The following SEMA6D variants were observed in gnomAD, a reference collection of about 807,000 sequenced individuals.
SEMA6D encodes the protein semaphorin-6D.
Under a neutral mutation model 106.6 loss-of-function variants are expected in SEMA6D, and 35 were observed. That is an observed-to-expected ratio of 0.33 (90% CI 0.25 to 0.44). The LOEUF (loss-of-function observed/expected upper bound fraction) is 0.44. SEMA6D is among the 20% of genes least tolerant of loss of function. The pLI is 1.00. For synonymous variants in SEMA6D, 499 were observed against 487.7 expected (o/e 1.02, Z -0.31); for missense variants, 1,185 against 1,345.9 (o/e 0.88, Z 1.87).
chr15:47,689,527 A>G (rs1311357981), intron 4 of SEMA6D, among the ~76,000 whole-genome samples: 3 of 152,234 alleles, frequency 2.0e-5, no homozygotes, highest in Non-Finnish European at 4.4e-5. Flanking sequence ...TGATAGGAAA[A>G]AAGAAAATAA....
intron 1 of SEMA6D, among the ~76,000 whole-genome samples, chr15:47,215,942 G>A (rs2030553838): frequency 6.6e-6 from 1 of 152,114 alleles, no homozygotes; most frequent in Admixed American, 6.6e-5. Context: ...ATATTTATAA[G>A]TGTTAATTTT....
chr15:47,551,200 A>G, intron 3 of SEMA6D, among the ~76,000 whole-genome samples: 1 of 152,050 alleles, frequency 6.6e-6, no homozygotes, highest in Non-Finnish European at 1.5e-5. Flanking sequence ...TTCTCTCATG[A>G]TTAGATGACC....
Position 47,763,177 on chromosome 15 carries a change from G to A in SEMA6D, c.747+73G>A, listed in dbSNP as rs923125197. 46 of 1,164,988 alleles carry A rather than the reference G, an allele frequency of 3.9e-5. No homozygotes were observed. In the East Asian group the frequency reaches 1.2e-3, roughly 29 times the overall value. 72.2% of individuals were successfully genotyped at this position (1,164,988 alleles called of 1,614,324 possible). On this transcript the variant is annotated intron_variant, in intron 9 of 18. Coordinates refer to ENST00000536845, the MANE Select transcript of SEMA6D (RefSeq NM_001358351.3). ...TTGAGACCACTGTGATAGAGTTAAG[G>A]ATGCTCACTTGGCATGTTTTCCAGC... is the stretch of plus-strand genomic sequence containing the variant.
intron 1 of SEMA6D, among the ~76,000 whole-genome samples, chr15:47,724,405 G>A (rs1250343025): frequency 6.6e-6 from 1 of 152,232 alleles, no homozygotes; most frequent in East Asian, 1.9e-4. Context: ...ACAAATAGCT[G>A]AAACGCTGTG....
intron 2 of SEMA6D, among the ~76,000 whole-genome samples, chr15:47,414,334 A>G (rs1204053568): frequency 6.6e-6 from 1 of 152,170 alleles, no homozygotes. Flanking sequence ...TTCCTCATAC[A>G]TACATGGAAT....
intron 3 of SEMA6D, among the ~76,000 whole-genome samples, chr15:47,552,077 C>T (rs546768559): frequency 2.6e-4 from 40 of 152,000 alleles, no homozygotes; most frequent in Middle Eastern, 3.4e-3. Flanking sequence ...TTCATCACAG[C>T]GCTATGTACA....
At chr15:47,207,924 A>T (rs1895184170) in intron 1 of SEMA6D, among the ~76,000 whole-genome samples, 1 of 151,344 alleles carries the variant, frequency 6.6e-6, no homozygotes, top group Admixed American at 6.6e-5. Context: ...GGAAATCAAC[A>T]TCAGAGGTAC....
Position 47,455,075 on chromosome 15 carries a change from C to CTAT in SEMA6D, c.-158-15380_-158-15378dup, listed in dbSNP as rs749181556. ...ATGGTAAGCACTCAATAAATGTTAG[C>CTAT]TATTATTATTATTATTATTATCATT... On this transcript the variant is annotated intron_variant, in intron 2 of 19. Coordinates refer to the SEMA6D transcript ENST00000558014. 9.2e-3 allele frequency among the ~76,000 whole-genome samples: 1,393 copies of CTAT among 151,384 alleles called. 23 individuals carry two copies. The highest frequency in any genetic ancestry group is 0.031 in the African/African-American group (1,278 of 41,256).
At chr15:47,536,539 G>A (rs759720324) in intron 3 of SEMA6D, among the ~76,000 whole-genome samples, 1 of 152,160 alleles carries the variant, frequency 6.6e-6, no homozygotes, top group Non-Finnish European at 1.5e-5. Flanking sequence ...GAAGGGTCTA[G>A]GTGTTCATCA....
Position 47,770,986 on chromosome 15 carries a change from T to G in SEMA6D, c.2423T>G (p.Phe808Cys). ...HGASRKETPQ[F>C]FPSSPPPHSP... ...GCTTCAAGGAAAGAAACCCCTCAGT[T>G]TTTTCCGTCTAGTCCGCCACCTCAT... is the stretch of plus-strand genomic sequence containing the variant. Residue 808 changes from phenylalanine (F) to cysteine (C), a missense_variant, in exon 19 of 19, where the codon TTT becomes TGT. By Grantham distance (205) the Phe-to-Cys change is radical (BLOSUM62 -2). Coordinates refer to ENST00000536845, the MANE Select transcript of SEMA6D (RefSeq NM_001358351.3). 2.5e-6 allele frequency: 4 copies of G among 1,613,982 alleles called. No individual in the cohort carries two copies. Among genetic ancestry groups the G allele is most frequent in the Non-Finnish European group, 3.4e-6 (4 of 1,179,980 alleles).
chr15:47,694,670 A>T (rs1349741639), intron 4 of SEMA6D, among the ~76,000 whole-genome samples: 1 of 152,050 alleles, frequency 6.6e-6, no homozygotes, highest in African/African-American at 2.4e-5. Context: ...TATTTTTCCT[A>T]GGCTCACATG....
chr15:47,634,918 G>T (rs185850006), intron 4 of SEMA6D, among the ~76,000 whole-genome samples: 1 of 152,184 alleles, frequency 6.6e-6, no homozygotes, highest in African/African-American at 2.4e-5. Context: ...GAATGTGGAA[G>T]GTACTGCCAA....
intron 1 of SEMA6D, among the ~76,000 whole-genome samples, chr15:47,290,214 C>G (rs2035539327): frequency 6.6e-6 from 1 of 152,148 alleles, no homozygotes; most frequent in South Asian, 2.1e-4. Context: ...GCTAAAATTC[C>G]AAATCCCACT....
At chr15:47,377,014 G>A (rs2039472661) in intron 1 of SEMA6D, among the ~76,000 whole-genome samples, 1 of 152,098 alleles carries the variant, frequency 6.6e-6, no homozygotes, top group South Asian at 2.1e-4. Context: ...TACTTGCCAG[G>A]CAGCCCCTTG....
chr15:47,191,064 TGGAGA>T (rs900904278), intron 1 of SEMA6D, among the ~76,000 whole-genome samples: 2 of 151,918 alleles, frequency 1.3e-5, no homozygotes, highest in African/African-American at 4.8e-5. Context: ...TCCCCACAAG[TGGAGA>T]GGCTGAAGTG....
At chr15:47,678,925 T>C (rs544396936) in intron 4 of SEMA6D, among the ~76,000 whole-genome samples, 1 of 152,276 alleles carries the variant, frequency 6.6e-6, no homozygotes, top group African/African-American at 2.4e-5. Flanking sequence ...ATTAAGATGT[T>C]AAAATGGGAA....
In SEMA6D at chr15:47,526,806, C is replaced by T. The variant is rs369415154; in HGVS notation, c.-87+56261C>T. On this transcript the variant is annotated intron_variant, in intron 3 of 19. Transcript: ENST00000558014. ...GGCTGGAGTGTAGTGGCGTGATCTC[C>T]GCTAACTGCAACCTCCGCCTCCCGG... Among the ~76,000 whole-genome samples the T allele has an allele frequency of 2.0e-5, 3 of 152,068 alleles. No individual in the cohort carries two copies. The East Asian group carries it at 5.8e-4, about 29-fold the overall frequency.
intron 1 of SEMA6D, among the ~76,000 whole-genome samples, chr15:47,386,033 C>A (rs2039827461): frequency 6.6e-6 from 1 of 152,158 alleles, no homozygotes; most frequent in African/African-American, 2.4e-5. Flanking sequence ...GCATACCTCA[C>A]AGAGTGTTTA....
intron 4 of SEMA6D, among the ~76,000 whole-genome samples, chr15:47,656,708 C>T (rs1422225816): frequency 6.6e-6 from 1 of 152,154 alleles, no homozygotes; most frequent in Admixed American, 6.5e-5. Context: ...ATTATCTCAG[C>T]ATCAAATGCA....
Sources: allele counts gnomAD v4.1 joint callset (sites outside exome capture counted in the v4.1 genomes callset), GRCh38; gene constraint gnomAD v4.1.1; transcripts MANE v1.5; gene names NCBI Gene and HGNC (gene_info 2026-07-23, HGNC 2026-07-21).